NUMB: variants seen among roughly 807,000 people sequenced by gnomAD.
NUMB encodes NUMB endocytic adaptor protein, also known as protein numb homolog.
A neutral mutation model predicts 59.7 loss-of-function variants in NUMB; 29 were observed. The ratio of observed to expected loss-of-function variants is 0.49; its 90% CI spans 0.36 to 0.66. The LOEUF is 0.66. NUMB is among the 30% of genes least tolerant of loss of function. NUMB has a pLI of 0.00. For synonymous variants in NUMB, 288 were observed against 288.2 expected, an observed-to-expected ratio of 1.00 and a Z score of 0.01; for missense variants, 723 against 822.0, an observed-to-expected ratio of 0.88 and a Z score of 1.47.
chr14:73,376,383 T>A (rs1268125224), intron 2 of NUMB, among the ~76,000 whole-genome samples: 1 of 151,944 alleles, frequency 6.6e-6, no homozygotes, highest in Non-Finnish European at 1.5e-5. Flanking sequence ...AAAAACTGAT[T>A]AAAGAAATCT....
intron 2 of NUMB, among the ~76,000 whole-genome samples, chr14:73,404,275 T>C (rs948045535): frequency 3.3e-5 from 5 of 149,988 alleles, no homozygotes; most frequent in African/African-American, 1.2e-4. Flanking sequence ...ATAATAATAA[T>C]AATAATAATA....
chr14:73,338,838 T>C (rs1010047461), intron 4 of NUMB, among the ~76,000 whole-genome samples: 3 of 152,224 alleles, frequency 2.0e-5, no homozygotes, highest in African/African-American at 7.2e-5. Context: ...CTTAGAAACT[T>C]ACTCATAATT....
intron 2 of NUMB, among the ~76,000 whole-genome samples, chr14:73,372,061 T>C (rs1027117041): frequency 4.0e-5 from 6 of 151,432 alleles, no homozygotes; most frequent in African/African-American, 1.5e-4. Context: ...GTAAAAACCA[T>C]GTTTCCACTA....
intron 2 of NUMB, among the ~76,000 whole-genome samples, chr14:73,407,043 A>G (rs1896704993): frequency 6.6e-6 from 1 of 151,870 alleles, no homozygotes; most frequent in South Asian, 2.1e-4. Flanking sequence ...GGGTTTCACT[A>G]TTTTGGCCAG....
chr14:73,442,038 A>T (rs1305524044), intron 1 of NUMB, among the ~76,000 whole-genome samples: 1 of 151,758 alleles, frequency 6.6e-6, no homozygotes, highest in Non-Finnish European at 1.5e-5. Flanking sequence ...TCCACTACTT[A>T]TGGGCATATA....
intron 8 of NUMB, among the ~76,000 whole-genome samples, chr14:73,290,177 T>C (rs1417342044): frequency 1.3e-5 from 2 of 152,292 alleles, no homozygotes; most frequent in Admixed American, 6.5e-5. Context: ...TTTTAAAGTG[T>C]AGTGATAGCA....
At position 73,275,837 on chromosome 14, in the gene NUMB, C is replaced by T. The variant is rs1441289602; in HGVS notation, c.*741G>A. 6.6e-6 allele frequency: 1 copy of T among 152,378 alleles called. No homozygotes were observed. Among genetic ancestry groups the T allele is most frequent in the Non-Finnish European group, 1.5e-5 (1 of 68,042 alleles). 9.4% of individuals were successfully genotyped at this position (152,378 alleles called of 1,614,324 possible). On this transcript the variant is annotated 3_prime_UTR_variant, in exon 13 of 13. Coordinates refer to ENST00000555238, the MANE Select transcript of NUMB (RefSeq NM_001005743.2). ...CTGTCTGCAGCTTCCAGCCTTTCCTCTTTTTATTTCAGTAGGCATCAATGA... is the reference window on the plus strand; with the variant it reads ...CTGTCTGCAGCTTCCAGCCTTTCCTTTTTTTATTTCAGTAGGCATCAATGA...
intron 4 of NUMB, among the ~76,000 whole-genome samples, chr14:73,351,528 AC>A (rs1423566315): frequency 1.3e-5 from 2 of 151,738 alleles, no homozygotes; most frequent in Non-Finnish European, 3.0e-5. Context: ...TAAGTAAGAT[AC>A]TTAACACAAA....
chr14:73,318,985 G>A (rs1974529), intron 5 of NUMB, among the ~76,000 whole-genome samples: 11,601 of 152,172 alleles, frequency 0.076, 1,051 homozygotes, highest in African/African-American at 0.21. Flanking sequence ...TTTAAAAAGC[G>A]CTAGAAGGCT....
intron 2 of NUMB, among the ~76,000 whole-genome samples, chr14:73,376,326 A>G (rs1002532910): frequency 6.6e-6 from 1 of 152,134 alleles, no homozygotes; most frequent in African/African-American, 2.4e-5. Flanking sequence ...AAATGACTTA[A>G]GTATAAGTCT....
At chr14:73,416,842 G>A (rs770744032) in intron 1 of NUMB, among the ~76,000 whole-genome samples, 29 of 151,912 alleles carry the variant, frequency 1.9e-4, no homozygotes, top group Admixed American at 3.9e-4. Flanking sequence ...CTCCAGCAAA[G>A]GCCGGCCCTA....
rs200724305 is a variant in NUMB, at chr14:73,452,059, A to AC, written c.-233+6433dup. ...AGGAGTTTAACAAGACCCTGTCTCT[A>AC]CCCCCCAAAAAAAAAACTGGCCAGG... On this transcript the variant is annotated intron_variant, in intron 1 of 12. Transcript: ENST00000555238. Among the ~76,000 whole-genome samples the AC allele has an allele frequency of 9.3e-5, 14 of 150,376 alleles. No individual in the cohort carries two copies. The East Asian group carries it at 2.7e-3, about 29-fold the overall frequency.
chr14:73,427,998 T>G (rs12436089), intron 1 of NUMB, among the ~76,000 whole-genome samples: 39,161 of 152,092 alleles, frequency 0.26, 5,862 homozygotes, highest in East Asian at 0.68. Context: ...ACTAACTTTG[T>G]TGAGTGGGCC....
chr14:73,321,692 A>T (rs1332605658), intron 5 of NUMB, among the ~76,000 whole-genome samples: 1 of 152,236 alleles, frequency 6.6e-6, no homozygotes, highest in Non-Finnish European at 1.5e-5. Context: ...CATGTACCAT[A>T]ACACAAGGTC....
At chr14:73,456,623 T>G (rs748579707) in intron 1 of NUMB, among the ~76,000 whole-genome samples, 98 of 152,360 alleles carry the variant, frequency 6.4e-4, no homozygotes, top group Non-Finnish European at 1.2e-3. Context: ...TATAAATTAC[T>G]AATAAATCAC....
At chr14:73,346,674 TTC>T (rs201539132) in intron 4 of NUMB, among the ~76,000 whole-genome samples, 450 of 152,200 alleles carry the variant, frequency 3.0e-3, no homozygotes, top group Non-Finnish European at 5.2e-3. Context: ...TTCTATAAGC[TTC>T]TCTCTCCTAT....
intron 11 of NUMB, 142 bp from the exon 12 acceptor site, chr14:73,279,566 T>C (rs1888467480): frequency 1.5e-6 from 1 of 687,776 alleles, no homozygotes; most frequent in African/African-American, 1.9e-5. Context: ...AAAACCATGA[T>C]ATCTTGCATT....
chr14:73,297,835 T>G (rs1177884365), intron 6 of NUMB: 1 of 152,168 alleles, frequency 6.6e-6, no homozygotes, highest in Non-Finnish European at 1.5e-5. Flanking sequence ...CTATTAACAG[T>G]CTTTAAAAAG....
rs139231637 is a variant in NUMB, at chr14:73,317,521, C to T, written c.202-1099G>A. On this transcript the variant is annotated intron_variant, in intron 5 of 12. Coordinates refer to ENST00000555238, the MANE Select transcript of NUMB (RefSeq NM_001005743.2). ...TTCACCGTGTTGGCCAGGCTGGTCT[C>T]GAACTCCTGACCTCAAGTGATCCAC... 4.6e-3 allele frequency among the ~76,000 whole-genome samples: 704 copies of T among 152,246 alleles called. 4 individuals are homozygous for T. Among genetic ancestry groups the T allele is most frequent in the South Asian group, 0.03 (143 of 4,818 alleles).
Sources: allele counts gnomAD v4.1 joint callset (sites outside exome capture counted in the v4.1 genomes callset), GRCh38; gene constraint gnomAD v4.1.1; transcripts MANE v1.5; gene names NCBI Gene and HGNC (gene_info 2026-07-23, HGNC 2026-07-21).